PACS1: variants seen among roughly 807,000 people sequenced by gnomAD.
PACS1 encodes PACS-1.
In PACS1, 24 loss-of-function variants were observed where a neutral mutation model predicts 115.0. The ratio of observed to expected loss-of-function variants is 0.21; its 90% CI spans 0.15 to 0.29. The LOEUF (loss-of-function observed/expected upper bound fraction) is 0.29, where lower values mean the gene tolerates loss of function less well. Ranked by LOEUF, PACS1 falls within the 10% of genes least tolerant of loss-of-function variation. PACS1 has a pLI of 1.00. For missense variants in PACS1, 838 were observed against 1,251.2 expected, an observed-to-expected ratio of 0.67 and a Z score of 4.98; for synonymous variants, 453 against 504.5, an observed-to-expected ratio of 0.90 and a Z score of 1.37.
intron 1 of PACS1, among the ~76,000 whole-genome samples, chr11:66,146,701 A>C (rs1331586044): frequency 6.6e-6 from 1 of 152,134 alleles, no homozygotes; most frequent in African/African-American, 2.4e-5. Context: ...AAATCGGATA[A>C]ATATTAAGGG....
Position 66,128,838 on chromosome 11 carries a change from C to A in PACS1, c.356+57996C>A, listed in dbSNP as rs1163157124. On this transcript the variant is annotated intron_variant, in intron 1 of 23. Transcript: ENST00000320580. ...GGCGGAGGTTGCAGTGAGCCGAGAT[C>A]GTGCCACTGTACTCCATCCTGGGCA... Among the ~76,000 whole-genome samples the A allele has an allele frequency of 3.3e-5, 5 of 150,366 alleles. No individual in the cohort carries two copies. The South Asian group carries it at 1.1e-3, about 32-fold the overall frequency.
Position 66,216,619 on chromosome 11 carries a change from T to G in PACS1, c.897+8T>G. 1 of 1,613,018 alleles carries G rather than the reference T, an allele frequency of 6.2e-7. No individual in the cohort carries two copies. Among genetic ancestry groups the G allele is most frequent in the Non-Finnish European group, 8.5e-7 (1 of 1,178,958 alleles). On this transcript the variant is annotated splice_region_variant and intron_variant, in intron 6 of 23. Transcript: ENST00000320580. ...GATCCATTGCATGGGCAGGTAACTT[T>G]CTGTGGTCCCTCACATGGCGTGTCC...
intron 1 of PACS1, among the ~76,000 whole-genome samples, chr11:66,126,554 A>G (rs1590761966): frequency 6.6e-6 from 1 of 152,136 alleles, no homozygotes; most frequent in Non-Finnish European, 1.5e-5. Context: ...AATCATTTCC[A>G]CTGTATGTAA....
chr11:66,105,705 A>T (rs1319933533), intron 1 of PACS1, among the ~76,000 whole-genome samples: 7 of 152,212 alleles, frequency 4.6e-5, no homozygotes, highest in Non-Finnish European at 8.8e-5. Flanking sequence ...CAGAAATAGA[A>T]TCTTTAATGT....
chr11:66,180,211 A>G (rs937762641), intron 1 of PACS1, among the ~76,000 whole-genome samples: 3 of 152,154 alleles, frequency 2.0e-5, no homozygotes, highest in Non-Finnish European at 4.4e-5. Flanking sequence ...CAGCCTGGGC[A>G]ACAGTGAGAA....
chr11:66,140,919 G>T (rs988081272), intron 1 of PACS1, among the ~76,000 whole-genome samples: 21 of 151,672 alleles, frequency 1.4e-4, no homozygotes, highest in African/African-American at 5.1e-4. Context: ...AGCTTTTTTT[G>T]GTTTTCTTTC....
At chr11:66,100,879 G>C in intron 1 of PACS1, 1 of 456,274 alleles carries the variant, frequency 2.2e-6, no homozygotes, top group Non-Finnish European at 4.4e-6. Context: ...CTCACGGTAC[G>C]GTGGCTGGGT....
In PACS1 at chr11:66,176,840, C is replaced by T. The variant is rs77191519; in HGVS notation, c.357-16646C>T. ...CCCTGCCAGGTGAGCTCCGACTCAT[C>T]CTTATTTTCTGTGAAGCCTCCTCTT... On this transcript the variant is annotated intron_variant, in intron 1 of 23. Transcript: ENST00000320580. 8.2e-3 allele frequency among the ~76,000 whole-genome samples: 1,254 copies of T among 152,282 alleles called. 88 individuals are homozygous for T. The East Asian group carries it at 0.17, about 21-fold the overall frequency.
At chr11:66,108,954 G>T (rs1014105536) in intron 1 of PACS1, among the ~76,000 whole-genome samples, 3 of 152,092 alleles carry the variant, frequency 2.0e-5, no homozygotes, top group Non-Finnish European at 4.4e-5. Context: ...GGATGACAGA[G>T]CAGCAAGACC....
intron 14 of PACS1, 69 bp from the exon 15 acceptor site, chr11:66,232,891 C>A: frequency 8.4e-7 from 1 of 1,193,202 alleles, no homozygotes; most frequent in Non-Finnish European, 1.2e-6. Flanking sequence ...GTCTCACTTG[C>A]CTCTTGGCCC....
At chr11:66,121,692 A>C (rs1262171206) in intron 1 of PACS1, among the ~76,000 whole-genome samples, 2 of 152,260 alleles carry the variant, frequency 1.3e-5, no homozygotes, top group Admixed American at 6.5e-5. Flanking sequence ...ACAGAAGATC[A>C]AACCAGCCAC....
chr11:66,241,343 C>A, intron 21 of PACS1, 84 bp from the exon 22 acceptor site: 1 of 1,035,238 alleles, frequency 9.7e-7, no homozygotes. Flanking sequence ...CTCCCGGGGA[C>A]TGGCATGGCC....
intron 5 of PACS1, 112 bp from the exon 6 acceptor site, chr11:66,216,408 C>T (rs1222362953): frequency 2.1e-6 from 3 of 1,408,610 alleles, no homozygotes; most frequent in Admixed American, 1.8e-5. Flanking sequence ...TGGCCCTCCC[C>T]TCCACCCTGG....
chr11:66,243,110 C>T, intron 23 of PACS1, 55 bp from the exon 24 acceptor site: 3 of 1,611,772 alleles, frequency 1.9e-6, no homozygotes, highest in Non-Finnish European at 2.5e-6. Context: ...TCCCAAGGGG[C>T]CCTGGGGAGA....
intron 1 of PACS1, among the ~76,000 whole-genome samples, chr11:66,079,591 C>G (rs555328300): frequency 1.3e-5 from 2 of 152,226 alleles, no homozygotes; most frequent in African/African-American, 4.8e-5. Context: ...AGTGGCAGTT[C>G]AGAGTGATAT....
chr11:66,158,232 G>C (rs1415738431), intron 1 of PACS1, among the ~76,000 whole-genome samples: 1 of 152,214 alleles, frequency 6.6e-6, no homozygotes, highest in Non-Finnish European at 1.5e-5. Context: ...GCTTCCCAAA[G>C]TGCTGGGACT....
chr11:66,171,438 G>A (rs1859734876), intron 1 of PACS1, among the ~76,000 whole-genome samples: 1 of 149,826 alleles, frequency 6.7e-6, no homozygotes, highest in South Asian at 2.1e-4. Context: ...ATCCATAGGT[G>A]TTTTTTTCTG....
At chr11:66,110,520 C>G (rs1243686391) in intron 1 of PACS1, among the ~76,000 whole-genome samples, 1 of 152,006 alleles carries the variant, frequency 6.6e-6, no homozygotes, top group East Asian at 1.9e-4. Flanking sequence ...GCATATTCCA[C>G]AAAAAACTCT....
Position 66,243,282 on chromosome 11 carries a change from G to T in PACS1, c.*2G>T. 6.4e-7 allele frequency: 1 copy of T among 1,566,392 alleles called. No homozygotes were observed. Among genetic ancestry groups the T allele is most frequent in the Non-Finnish European group, 8.7e-7 (1 of 1,153,118 alleles). ...TTCAGTGGCAGCAAGGCCACCTGAG[G>T]CCCTGTCTCCCAGCCACTTTCCCTC... On this transcript the variant is annotated 3_prime_UTR_variant, in exon 24 of 24. Transcript: ENST00000320580.
Sources: allele counts gnomAD v4.1 joint callset (sites outside exome capture counted in the v4.1 genomes callset), GRCh38; gene constraint gnomAD v4.1.1; transcripts MANE v1.5; gene names NCBI Gene and HGNC (gene_info 2026-07-23, HGNC 2026-07-21).